The following NIBAN2 variants were observed in gnomAD, a reference collection of about 807,000 sequenced individuals.
NIBAN2 encodes niban apoptosis regulator 2.
In NIBAN2, 36 loss-of-function variants were observed where a neutral mutation model predicts 81.8. The observed-to-expected ratio is 0.44, with a 90% confidence interval of 0.34 to 0.58. The LOEUF (loss-of-function observed/expected upper bound fraction) is 0.58, where lower values mean the gene tolerates loss of function less well. Ranked by LOEUF, NIBAN2 falls within the 20% of genes least tolerant of loss-of-function variation. NIBAN2 has a pLI of 0.02. For synonymous variants in NIBAN2, 445 were observed against 441.6 expected (o/e 1.01, Z -0.10); for missense variants, 897 against 1,014.1 (o/e 0.88, Z 1.57).
chr9:127,566,541 C>T (rs1008739300), intron 1 of NIBAN2, among the ~76,000 whole-genome samples: 1 of 152,160 alleles, frequency 6.6e-6, no homozygotes, highest in Non-Finnish European at 1.5e-5. Context: ...TTGACCTTTG[C>T]CAGGACTTGC....
intron 1 of NIBAN2, among the ~76,000 whole-genome samples, chr9:127,556,686 G>A (rs1031695604): frequency 6.6e-6 from 1 of 152,212 alleles, no homozygotes; most frequent in African/African-American, 2.4e-5. Context: ...TCAGCTGCTG[G>A]TGGAGCAAGT....
chr9:127,563,607 C>A lies in NIBAN2; in HGVS notation c.55+5213G>T, dbSNP rs1564320525. On this transcript the variant is annotated intron_variant, in intron 1 of 13. Coordinates refer to ENST00000373312, the MANE Select transcript of NIBAN2 (RefSeq NM_022833.4). This position sits in a 1 kb window ranked among gnomAD's most constrained non-coding sequence, Gnocchi z 4.1. Reference sequence around the variant, plus strand: ...GTGCGATCTCGTCTCACTGCAACCTCCACCTCCCGGGTTCAAGCGATTCTT... The same window carrying A: ...GTGCGATCTCGTCTCACTGCAACCTACACCTCCCGGGTTCAAGCGATTCTT... Among the ~76,000 whole-genome samples the A allele has an allele frequency of 6.6e-6, 1 of 151,974 alleles. No homozygotes were observed. Among genetic ancestry groups the A allele is most frequent in the Non-Finnish European group, 1.5e-5 (1 of 68,000 alleles).
chr9:127,545,450 G>A lies in NIBAN2; in HGVS notation c.56-13672C>T, dbSNP rs1837454536. 6.6e-6 allele frequency among the ~76,000 whole-genome samples: 1 copy of A among 152,174 alleles called. No individual in the cohort carries two copies. The highest frequency in any genetic ancestry group is 6.5e-5 in the Admixed American group (1 of 15,282). ...CTTGATAAACAAGTGCCGAACAAGT[G>A]TTAGGTCACCCAGCCTCAGGCGCCA... On this transcript the variant is annotated intron_variant, in intron 1 of 13. Coordinates refer to ENST00000373312, the MANE Select transcript of NIBAN2 (RefSeq NM_022833.4). This position sits in a 1 kb window ranked among gnomAD's most constrained non-coding sequence, Gnocchi z 4.7.
At chr9:127,575,417 G>A (rs966667428) in intron 1 of NIBAN2, among the ~76,000 whole-genome samples, 2 of 151,392 alleles carry the variant, frequency 1.3e-5, no homozygotes, top group Admixed American at 6.6e-5. Context: ...TAGTAGAGAC[G>A]GGGTTTTACC....
rs538750234 is a variant in NIBAN2 at position 127,510,120 on chromosome 9, C to G, written c.1161+26G>C. 95 of 1,586,634 alleles carry G rather than the reference C, an allele frequency of 6.0e-5. 1 individual carries two copies. The South Asian group carries it at 1.1e-3, about 18-fold the overall frequency. On this transcript the variant is annotated intron_variant, in intron 9 of 13. Coordinates refer to ENST00000373312, the MANE Select transcript of NIBAN2 (RefSeq NM_022833.4). ...GACCAGACCTACTCTCAGGAGACCC[C>G]CTCCTAGGGGCGGTGCCGGCCTCAC...
intron 1 of NIBAN2, 133 bp downstream of exon 1, chr9:127,568,687 C>T: frequency 1.3e-6 from 1 of 776,064 alleles, no homozygotes; most frequent in Non-Finnish European, 1.7e-6. Context: ...GGGCACGCTC[C>T]CTGGCAGCTC....
chr9:127,516,893 T>A lies in NIBAN2; in HGVS notation c.937A>T (p.Ile313Phe). 1 of 1,614,192 alleles carries A rather than the reference T, an allele frequency of 6.2e-7. No individual in the cohort carries two copies. Among genetic ancestry groups the A allele is most frequent in the Non-Finnish European group, 8.5e-7 (1 of 1,180,006 alleles). ...AVIRTDMDQI[I>F]TSKEHLASKI... ...CTGGCAAGGTGCTCCTTGGAGGTGA[T>A]AATTTGGTCCATGTCAGTTCGGATG... Residue 313 changes from isoleucine (I) to phenylalanine (F), a missense_variant, in exon 8 of 14, where the codon ATC becomes TTC. Around this residue, in one of 3 missense-constraint regions of NIBAN2, gnomAD observed 619 missense variants for 691.0 expected, o/e 0.90. Coordinates refer to ENST00000373312, the MANE Select transcript of NIBAN2 (RefSeq NM_022833.4).
At chr9:127,577,523 C>G (rs1379085515) in intron 1 of NIBAN2, among the ~76,000 whole-genome samples, 1 of 146,476 alleles carries the variant, frequency 6.8e-6, no homozygotes, top group Non-Finnish European at 1.5e-5. Flanking sequence ...TCCAATACCC[C>G]ACGCTTCCCA....
Position 127,510,259 on chromosome 9 carries a change from G to C in NIBAN2, c.1048C>G (p.Leu350Val). 1 of 1,614,096 alleles carries C rather than the reference G, an allele frequency of 6.2e-7. No homozygotes were observed. Among genetic ancestry groups the C allele is most frequent in the Non-Finnish European group, 8.5e-7 (1 of 1,179,968 alleles). Residue 350 changes from leucine (L) to valine (V), a missense_variant, in exon 9 of 14, where the codon CTG becomes GTG. Around this residue, in one of 3 missense-constraint regions of NIBAN2, gnomAD observed 619 missense variants for 691.0 expected, o/e 0.90. Coordinates refer to ENST00000373312, the MANE Select transcript of NIBAN2 (RefSeq NM_022833.4). ...QPYIPSILEA[L>V]MVPTSQGFTE... ...AAGCCCTGGCTGGTGGGGACCATCA[G>C]GGCCTCCAGGATGGATGGGATGTAG...
At chr9:127,509,620 C>G (rs1836688713) in intron 9 of NIBAN2, among the ~76,000 whole-genome samples, 1 of 152,144 alleles carries the variant, frequency 6.6e-6, no homozygotes, top group South Asian at 2.1e-4. Flanking sequence ...GGGCAGCCAG[C>G]CCAAGATGGA....
chr9:127,576,693 G>A (rs954806753), intron 1 of NIBAN2, among the ~76,000 whole-genome samples: 20 of 151,664 alleles, frequency 1.3e-4, no homozygotes, highest in African/African-American at 3.6e-4. Flanking sequence ...CAGGAGGATC[G>A]CTTGAGCCCA....
intron 1 of NIBAN2, among the ~76,000 whole-genome samples, chr9:127,561,513 T>C (rs1837773828): frequency 6.6e-6 from 1 of 152,184 alleles, no homozygotes; most frequent in African/African-American, 2.4e-5. Context: ...TAAGGAGGGC[T>C]CTAAGACTCA....
chr9:127,571,568 C>T (rs778811912), upstream of NIBAN2, among the ~76,000 whole-genome samples: 1 of 152,090 alleles, frequency 6.6e-6, no homozygotes, highest in African/African-American at 2.4e-5. Context: ...TGGTGGCACG[C>T]GCCTGTAGTC....
chr9:127,527,367 GT>G (rs759444947), intron 2 of NIBAN2, 45 bp from the exon 3 acceptor site: 1 of 1,567,752 alleles, frequency 6.4e-7, no homozygotes, highest in Admixed American at 1.7e-5. Flanking sequence ...GTCTGGGGGG[GT>G]GGTGCTCCCC....
chr9:127,568,806 G>C lies in NIBAN2; in HGVS notation c.55+14C>G, dbSNP rs752888685. ...GCAGGCCCCTGGGCGCGCGTGGCGC[G>C]GCGCGACCCTCACCTGCGATGTGCT... On this transcript the variant is annotated intron_variant, in intron 1 of 13. Coordinates refer to ENST00000373312, the MANE Select transcript of NIBAN2 (RefSeq NM_022833.4). The C allele has an allele frequency of 8.9e-5, 116 of 1,310,006 alleles. No homozygotes were observed. Among genetic ancestry groups the C allele is most frequent in the Non-Finnish European group, 6.7e-5 (69 of 1,028,516 alleles). 81.1% of individuals were successfully genotyped at this position (1,310,006 alleles called of 1,614,324 possible). A position where few individuals can be genotyped will look rare whatever the true frequency, so the allele number is the denominator to read the frequency against.
rs1837142458 is a variant in NIBAN2, at chr9:127,529,662, A to G, written c.186+1986T>C. ...AAAAGCAAAAACAAACAAAAAGACA[A>G]CTGCTGTTTTATTATTCTTATTTCT... On this transcript the variant is annotated intron_variant, in intron 2 of 13. Coordinates refer to ENST00000373312, the MANE Select transcript of NIBAN2 (RefSeq NM_022833.4). 2.0e-5 allele frequency among the ~76,000 whole-genome samples: 3 copies of G among 151,734 alleles called. No individual in the cohort carries two copies. The South Asian group carries it at 6.3e-4, about 32-fold the overall frequency.
At chr9:127,541,232 T>G (rs927497654) in intron 1 of NIBAN2, among the ~76,000 whole-genome samples, 17 of 152,168 alleles carry the variant, frequency 1.1e-4, no homozygotes, top group African/African-American at 4.1e-4. Flanking sequence ...CAGAGCTGGG[T>G]TGGCATAGAC....
chr9:127,561,623 G>T (rs751428565), intron 1 of NIBAN2, among the ~76,000 whole-genome samples: 1 of 152,196 alleles, frequency 6.6e-6, no homozygotes, highest in Non-Finnish European at 1.5e-5. Context: ...AAACCTCTGG[G>T]CTCCCTGCTT....
intron 5 of NIBAN2, among the ~76,000 whole-genome samples, chr9:127,521,022 C>G (rs532037930): frequency 6.6e-6 from 1 of 152,208 alleles, no homozygotes; most frequent in African/African-American, 2.4e-5. Flanking sequence ...AGAGAGGTCT[C>G]GGAGAAACCA....
Sources: gnomAD v4.1 joint callset for allele counts (sites outside exome capture counted in the v4.1 genomes callset) on GRCh38, gnomAD v4.1.1 for gene constraint, gnomAD v4.1.1 regional missense constraint, Gnocchi (gnomAD v3.1) non-coding constraint, MANE v1.5 for transcripts, NCBI Gene and HGNC (gene_info 2026-07-23, HGNC 2026-07-21) for gene names.